ST3GAL3: variants seen among roughly 807,000 people sequenced by gnomAD.
ST3GAL3 encodes ST3 beta-galactoside alpha-2,3-sialyltransferase 3.
A neutral mutation model predicts 50.1 loss-of-function variants in ST3GAL3; 21 were observed. The observed-to-expected ratio is 0.42, with a 90% confidence interval of 0.30 to 0.60. ST3GAL3 has a LOEUF of 0.60. Among genes scored for constraint, ST3GAL3 ranks in the 20% least tolerant of loss-of-function variants. The probability of loss-of-function intolerance (pLI) is 0.19; values close to 1 mark genes in which losing one functional copy is unlikely to be tolerated. For synonymous variants in ST3GAL3, 183 were observed against 190.0 expected (o/e 0.96, Z 0.30); for missense variants, 353 against 489.4 (o/e 0.72, Z 2.63).
intron 2 of ST3GAL3, among the ~76,000 whole-genome samples, chr1:43,769,649 T>C (rs1694341603): frequency 6.6e-6 from 1 of 152,228 alleles, no homozygotes; most frequent in Non-Finnish European, 1.5e-5. Context: ...GGTGCTGGAC[T>C]AGATGGTTCA....
intron 2 of ST3GAL3, among the ~76,000 whole-genome samples, chr1:43,785,684 C>A (rs540604293): frequency 2.2e-4 from 34 of 152,252 alleles, no homozygotes; most frequent in Non-Finnish European, 4.1e-4. Context: ...TCTAGCGCAG[C>A]CTACAGCATC....
chr1:43,787,626 C>A (rs547556556), intron 2 of ST3GAL3, among the ~76,000 whole-genome samples: 8 of 152,332 alleles, frequency 5.3e-5, no homozygotes, highest in South Asian at 2.1e-4. Flanking sequence ...AAGAGCATTC[C>A]GCTACCATTG....
intron 5 of ST3GAL3, among the ~76,000 whole-genome samples, chr1:43,864,000 C>T (rs531206199): frequency 1.8e-4 from 28 of 152,152 alleles, no homozygotes; most frequent in African/African-American, 6.3e-4. Flanking sequence ...GAGTGGGGGC[C>T]GGGCGTGGTG....
intron 2 of ST3GAL3, among the ~76,000 whole-genome samples, chr1:43,753,927 T>C (rs759974331): frequency 6.6e-5 from 10 of 152,190 alleles, no homozygotes; most frequent in Non-Finnish European, 1.3e-4. Context: ...TGCCTTGGTC[T>C]ACTCTCAGGT....
Position 43,899,668 on chromosome 1 carries a change from G to GCC in ST3GAL3, c.686_687dup (p.Gly230ProfsTer11). ...CGAGCGCGATTCTCTCTTTGTCCTC[G>GCC]CCGGCTTCAAGTGGCAGGACTTTAA... On this transcript the variant is annotated frameshift_variant, in exon 9 of 12. Transcript: ENST00000347631. LOFTEE classifies it high-confidence loss of function. The surrounding 1 kb of genome is among the most constrained non-coding windows in gnomAD (Gnocchi z 5.4). 6.2e-7 allele frequency: 1 copy of GCC among 1,614,104 alleles called. No individual in the cohort carries two copies. Among genetic ancestry groups the GCC allele is most frequent in the East Asian group, 2.2e-5 (1 of 44,876 alleles).
At chr1:43,809,992 CAAAAA>C (rs111982954) in intron 3 of ST3GAL3, among the ~76,000 whole-genome samples, 2 of 78,462 alleles carry the variant, frequency 2.5e-5, no homozygotes, top group Non-Finnish European at 4.9e-5. Context: ...GACCCTGTCT[CAAAAA>C]AAAAAAAAAA....
At chr1:43,855,746 A>T (rs1024672907) in intron 5 of ST3GAL3, among the ~76,000 whole-genome samples, 14 of 152,104 alleles carry the variant, frequency 9.2e-5, no homozygotes, top group Non-Finnish European at 1.6e-4. Context: ...AATAATTTTT[A>T]AAATTTTTAA....
At chr1:43,878,559 G>A (rs544823490) in intron 5 of ST3GAL3, among the ~76,000 whole-genome samples, 65 of 152,298 alleles carry the variant, frequency 4.3e-4, no homozygotes, top group Non-Finnish European at 8.2e-4. Flanking sequence ...AACAGCTCTA[G>A]TCAAGGCCCT....
chr1:43,901,865 T>G (rs1472643821), intron 9 of ST3GAL3, among the ~76,000 whole-genome samples: 1 of 152,206 alleles, frequency 6.6e-6, no homozygotes, highest in Non-Finnish European at 1.5e-5. Flanking sequence ...CTGTGGGCCT[T>G]CCTTGGCTCC....
At chr1:43,766,950 G>GT (rs1428725880) in intron 2 of ST3GAL3, among the ~76,000 whole-genome samples, 1 of 152,164 alleles carries the variant, frequency 6.6e-6, no homozygotes, top group Non-Finnish European at 1.5e-5. Flanking sequence ...CATGAATAAA[G>GT]TGGAGGGGCC....
intron 1 of ST3GAL3, among the ~76,000 whole-genome samples, chr1:43,710,256 A>G (rs1009074858): frequency 1.3e-5 from 2 of 152,022 alleles, no homozygotes; most frequent in Non-Finnish European, 1.5e-5. Flanking sequence ...TAATTTTTGT[A>G]TTTTTAATAG....
chr1:43,927,158 T>C (rs1357682386), intron 11 of ST3GAL3, among the ~76,000 whole-genome samples: 1 of 152,130 alleles, frequency 6.6e-6, no homozygotes, highest in Non-Finnish European at 1.5e-5. Flanking sequence ...GGCGAAATCC[T>C]GTCTCTACTA....
intron 9 of ST3GAL3, among the ~76,000 whole-genome samples, chr1:43,902,216 G>A (rs1161753606): frequency 6.6e-6 from 1 of 152,230 alleles, no homozygotes; most frequent in African/African-American, 2.4e-5. Context: ...AGAGCTCTCT[G>A]CACCTGTCTG....
At chr1:43,780,738 A>G (rs1457120578) in intron 2 of ST3GAL3, among the ~76,000 whole-genome samples, 1 of 151,626 alleles carries the variant, frequency 6.6e-6, no homozygotes, top group Non-Finnish European at 1.5e-5. Context: ...ACCTCACCAA[A>G]TATATTTTTT....
intron 2 of ST3GAL3, among the ~76,000 whole-genome samples, chr1:43,791,305 A>G (rs1446473602): frequency 1.3e-5 from 2 of 152,206 alleles, no homozygotes; most frequent in East Asian, 3.8e-4. Context: ...CTAGACTGAT[A>G]GCAGAAAGAT....
At chr1:43,929,049 A>C (rs1331182142) in intron 11 of ST3GAL3, among the ~76,000 whole-genome samples, 1 of 152,190 alleles carries the variant, frequency 6.6e-6, no homozygotes, top group Non-Finnish European at 1.5e-5. Context: ...AGCCTTTTTC[A>C]TCAAAGTTTT....
intron 9 of ST3GAL3, among the ~76,000 whole-genome samples, chr1:43,906,796 T>C (rs1442628154): frequency 6.6e-6 from 1 of 152,244 alleles, no homozygotes; most frequent in East Asian, 1.9e-4. Context: ...TTTCCTTGAA[T>C]TCATTCAGTT....
At chr1:43,921,143 C>T (rs1232471319) in intron 11 of ST3GAL3, among the ~76,000 whole-genome samples, 2 of 152,144 alleles carry the variant, frequency 1.3e-5, no homozygotes, top group African/African-American at 4.8e-5. Context: ...GTGCCCTGGT[C>T]CTGCACCTCC....
chr1:43,806,726 G>A (rs996185600), intron 3 of ST3GAL3, among the ~76,000 whole-genome samples: 6 of 152,296 alleles, frequency 3.9e-5, no homozygotes, highest in Admixed American at 6.5e-5. Flanking sequence ...TCTTACTCCC[G>A]TTGCCCAGGC....
Sources: gnomAD v4.1 joint callset for allele counts (sites outside exome capture counted in the v4.1 genomes callset) on GRCh38, gnomAD v4.1.1 for gene constraint, Gnocchi (gnomAD v3.1) non-coding constraint, MANE v1.5 for transcripts, NCBI Gene and HGNC (gene_info 2026-07-23, HGNC 2026-07-21) for gene names.